The following KCNH7 variants were observed in gnomAD, a reference collection of about 807,000 sequenced individuals.
KCNH7 encodes potassium voltage-gated channel subfamily H member 7, also known as voltage-gated inwardly rectifying potassium channel KCNH7.
A neutral mutation model predicts 120.8 loss-of-function variants in KCNH7; 49 were observed. The observed-to-expected ratio is 0.41, with a 90% CI of 0.32 to 0.51. The LOEUF is 0.51. Ranked by LOEUF, KCNH7 falls within the 20% of genes least tolerant of loss-of-function variation. The pLI is 0.38. For missense variants in KCNH7, 1,097 were observed against 1,446.6 expected, an observed-to-expected ratio of 0.76 and a Z score of 3.92; for synonymous variants, 547 against 516.1, an observed-to-expected ratio of 1.06 and a Z score of -0.81.
rs1694302844 is a variant in KCNH7 at position 162,594,240 on chromosome 2, TTC to T, written c.308-57162_308-57161del. Reference sequence around the variant, plus strand: ...CTAGTTTATAACCAGTAAGTATTCCTTCCTTTGGAACCACTGGCTTCATACAA... The same window carrying T: ...CTAGTTTATAACCAGTAAGTATTCCTCTTTGGAACCACTGGCTTCATACAA... On this transcript the variant is annotated intron_variant, in intron 2 of 15. Coordinates refer to ENST00000332142, the MANE Select transcript of KCNH7 (RefSeq NM_033272.4). Among the ~76,000 whole-genome samples, 4 of 24,254 alleles carry T rather than the reference TTC, an allele frequency of 1.6e-4. No individual in the cohort carries two copies. In the South Asian group the frequency reaches 6.2e-3, roughly 38 times the overall value. 15.9% of individuals were successfully genotyped at this position (24,254 alleles called of 152,430 possible).
intron 2 of KCNH7, among the ~76,000 whole-genome samples, chr2:162,651,840 G>C (rs1402104354): frequency 1.3e-5 from 2 of 152,084 alleles, no homozygotes; most frequent in Non-Finnish European, 2.9e-5. Flanking sequence ...AGTGTTCCCT[G>C]TTCTCTGCAT....
At chr2:162,688,973 C>A (rs917949606) in intron 2 of KCNH7, among the ~76,000 whole-genome samples, 7 of 151,880 alleles carry the variant, frequency 4.6e-5, no homozygotes, top group African/African-American at 1.7e-4. Context: ...GCACTTATTT[C>A]CCCCTACCTT....
chr2:162,781,353 A>C (rs2105494868), intron 2 of KCNH7, among the ~76,000 whole-genome samples: 1 of 152,194 alleles, frequency 6.6e-6, no homozygotes, highest in Non-Finnish European at 1.5e-5. Flanking sequence ...GGCTGCAGTA[A>C]GCAATAAGGC....
At position 162,558,933 on chromosome 2, in the gene KCNH7, T is replaced by C. The variant is rs1692956868; in HGVS notation, c.308-21853A>G. 4.6e-5 allele frequency among the ~76,000 whole-genome samples: 7 copies of C among 150,784 alleles called. No individual in the cohort carries two copies. The South Asian group carries it at 1.5e-3, about 32-fold the overall frequency. On this transcript the variant is annotated intron_variant, in intron 2 of 15. Transcript: ENST00000332142. ...AGCCGGGCGTTGTGGCAGGCGCCTG[T>C]AGTCCCAGCTACTCGGGAGGCTGAG...
At chr2:162,638,876 T>G (rs1465144651) in intron 2 of KCNH7, among the ~76,000 whole-genome samples, 1 of 152,162 alleles carries the variant, frequency 6.6e-6, no homozygotes, top group African/African-American at 2.4e-5. Flanking sequence ...ACTGGTGAAC[T>G]GCAAGCTATT....
In KCNH7 at chr2:162,536,948, A is replaced by T. The variant is rs769961700; in HGVS notation, c.440T>A (p.Ile147Lys). Reference sequence around the variant, plus strand: ...ACGGTTTACAGTTTTGATTGGTAATATTGGGTTTACCCTCTCTGGGGTGGC... The same window carrying T: ...ACGGTTTACAGTTTTGATTGGTAATTTTGGGTTTACCCTCTCTGGGGTGGC... ...NAATPERVNP[I>K]LPIKTVNRKF... is the part of the protein sequence containing the mutation. Residue 147 changes from isoleucine to lysine, a missense_variant, in exon 3 of 16, where the codon ATA becomes AAA. By Grantham distance (102) the Ile-to-Lys change is moderately radical (BLOSUM62 -3). This residue lies in a region of KCNH7 where 362 missense variants were observed against 372.2 expected (regional missense o/e 0.97). Coordinates refer to ENST00000332142, the MANE Select transcript of KCNH7 (RefSeq NM_033272.4). 1 of 1,612,708 alleles carries T rather than the reference A, an allele frequency of 6.2e-7. No homozygotes were observed. The highest frequency in any genetic ancestry group is 2.2e-5 in the East Asian group (1 of 44,794).
intron 2 of KCNH7, among the ~76,000 whole-genome samples, chr2:162,643,804 C>CAAAAAAAAAAAAAAAA (rs781089376): frequency 2.2e-5 from 2 of 90,422 alleles, no homozygotes; most frequent in Non-Finnish European, 4.1e-5. Context: ...GACTCTATCT[C>CAAAAAAAAAAAAAAAA]AAAAAAAAAA....
chr2:162,562,300 T>C (rs905015621), intron 2 of KCNH7, among the ~76,000 whole-genome samples: 4 of 152,218 alleles, frequency 2.6e-5, no homozygotes, highest in African/African-American at 9.6e-5. Context: ...ATAATATGAA[T>C]GATTTTTATT....
chr2:162,413,369 C>T (rs1361563016), intron 9 of KCNH7, among the ~76,000 whole-genome samples: 1 of 152,054 alleles, frequency 6.6e-6, no homozygotes, highest in East Asian at 1.9e-4. Flanking sequence ...TCAGGTGATC[C>T]ACCCGCTTTG....
intron 2 of KCNH7, among the ~76,000 whole-genome samples, chr2:162,575,000 G>A (rs930797656): frequency 6.6e-6 from 1 of 152,104 alleles, no homozygotes; most frequent in Admixed American, 6.6e-5. Context: ...GCTAGTGGAA[G>A]TGTTGGGCAT....
intron 2 of KCNH7, among the ~76,000 whole-genome samples, chr2:162,672,596 T>G (rs1336559784): frequency 1.3e-5 from 2 of 151,950 alleles, no homozygotes; most frequent in African/African-American, 4.8e-5. Context: ...TATGAAATAA[T>G]AACAAATGTT....
chr2:162,536,032 C>G (rs541909797), intron 3 of KCNH7, among the ~76,000 whole-genome samples: 2 of 151,778 alleles, frequency 1.3e-5, no homozygotes, highest in South Asian at 4.1e-4. Flanking sequence ...ATCAGAGATC[C>G]TAAAAAATGA....
chr2:162,611,934 G>A (rs1682980929), intron 2 of KCNH7, among the ~76,000 whole-genome samples: 1 of 152,176 alleles, frequency 6.6e-6, no homozygotes, highest in South Asian at 2.1e-4. Context: ...TTGGACTTAG[G>A]AAAATGGAGA....
chr2:162,386,509 C>T (rs1686576013), intron 12 of KCNH7, among the ~76,000 whole-genome samples: 1 of 151,818 alleles, frequency 6.6e-6, no homozygotes. Context: ...TAGTGAATTG[C>T]ACCAGTTTGC....
chr2:162,580,206 T>C (rs1693823678), intron 2 of KCNH7, among the ~76,000 whole-genome samples: 1 of 152,030 alleles, frequency 6.6e-6, no homozygotes, highest in African/African-American at 2.4e-5. Flanking sequence ...TTACATTATT[T>C]ATGGTTCACA....
chr2:162,465,793 C>G (rs1287557920), intron 6 of KCNH7, among the ~76,000 whole-genome samples: 1 of 152,036 alleles, frequency 6.6e-6, no homozygotes, highest in South Asian at 2.1e-4. Flanking sequence ...CTCCTTTATC[C>G]CATTTTTATT....
intron 3 of KCNH7, among the ~76,000 whole-genome samples, chr2:162,530,188 A>G (rs1574068852): frequency 6.6e-6 from 1 of 151,966 alleles, no homozygotes; most frequent in Non-Finnish European, 1.5e-5. Flanking sequence ...TTCAGAATGT[A>G]TGGAGCCCAA....
intron 2 of KCNH7, among the ~76,000 whole-genome samples, chr2:162,557,462 A>C (rs946857995): frequency 6.6e-6 from 1 of 152,156 alleles, no homozygotes; most frequent in African/African-American, 2.4e-5. Context: ...ACTCATATTC[A>C]AGGACACAGA....
At chr2:162,475,282 C>T (rs1004286786) in intron 6 of KCNH7, among the ~76,000 whole-genome samples, 2 of 152,138 alleles carry the variant, frequency 1.3e-5, no homozygotes, top group African/African-American at 4.8e-5. Flanking sequence ...GTCTAATTGA[C>T]AGTAAAGCCC....
Sources: allele counts gnomAD v4.1 joint callset (sites outside exome capture counted in the v4.1 genomes callset), GRCh38; gene constraint gnomAD v4.1.1; regional missense constraint gnomAD v4.1.1; transcripts MANE v1.5; gene names NCBI Gene and HGNC (gene_info 2026-07-23, HGNC 2026-07-21).